Variants in GPSM2 observed in about 807,000 individuals in gnomAD.
The protein encoded by GPSM2 is G protein signaling modulator 2.
In GPSM2, 58 loss-of-function variants were observed where a neutral mutation model predicts 78.4. That is an observed-to-expected ratio of 0.74 (90% confidence interval 0.60 to 0.92). GPSM2 has a LOEUF of 0.92. Ranked by LOEUF, GPSM2 falls within the 40% of genes least tolerant of loss-of-function variation. The probability of loss-of-function intolerance (pLI) is 0.00; values close to 1 mark genes in which losing one functional copy is unlikely to be tolerated. For missense variants in GPSM2, 700 were observed against 815.5 expected, an observed-to-expected ratio of 0.86 and a Z score of 1.73; for synonymous variants, 224 against 280.2, an observed-to-expected ratio of 0.80 and a Z score of 2.00.
intron 14 of GPSM2, among the ~76,000 whole-genome samples, chr1:108,925,814 C>T (rs1346793519): frequency 6.6e-6 from 1 of 150,484 alleles, no homozygotes; most frequent in Non-Finnish European, 1.5e-5. Flanking sequence ...AAATACAAGG[C>T]AAATGTGGGG....
chr1:108,914,114 A>C (rs911320849), intron 10 of GPSM2, among the ~76,000 whole-genome samples: 5 of 152,242 alleles, frequency 3.3e-5, no homozygotes, highest in Non-Finnish European at 5.9e-5. Context: ...TTCCAACCAA[A>C]ATGTAACTTC....
At chr1:108,899,368 T>C (rs764575696) in intron 7 of GPSM2, among the ~76,000 whole-genome samples, 3 of 152,204 alleles carry the variant, frequency 2.0e-5, no homozygotes, top group Non-Finnish European at 2.9e-5. Context: ...ATATGCTTTA[T>C]TTCACTCAGT....
In GPSM2 at chr1:108,932,623, G is replaced by A. The variant is rs1447541777; in HGVS notation, c.*2683G>A. The stretch of plus-strand genomic sequence containing the variant: ...TCACAGTTACAGTCTATCACCTGGG[G>A]CATTCACTACTTTTCAGAGTCAGAT... On this transcript the variant is annotated 3_prime_UTR_variant, in exon 15 of 15. Coordinates refer to ENST00000264126, the MANE Select transcript of GPSM2 (RefSeq NM_013296.5). The A allele has an allele frequency of 1.3e-5, 2 of 152,216 alleles. No homozygotes were observed. Among genetic ancestry groups the A allele is most frequent in the Non-Finnish European group, 2.9e-5 (2 of 68,044 alleles). 9.4% of individuals were successfully genotyped at this position (152,216 alleles called of 1,614,324 possible).
At chr1:108,894,593 G>C (rs1557860068) in intron 2 of GPSM2, among the ~76,000 whole-genome samples, 2 of 152,112 alleles carry the variant, frequency 1.3e-5, no homozygotes, top group Non-Finnish European at 2.9e-5. Flanking sequence ...AGCTGCTCAG[G>C]AGACTGAGGC....
chr1:108,908,474 G>C (rs1055782600), intron 10 of GPSM2, among the ~76,000 whole-genome samples: 5 of 151,814 alleles, frequency 3.3e-5, no homozygotes, highest in Admixed American at 6.6e-5. Context: ...ACGAGGTCAG[G>C]AGATCGAGAC....
At chr1:108,901,366 AT>A (rs1177004787) in intron 7 of GPSM2, among the ~76,000 whole-genome samples, 14 of 152,210 alleles carry the variant, frequency 9.2e-5, no homozygotes, top group African/African-American at 3.4e-4. Flanking sequence ...ACACATAAGA[AT>A]TTTACCTAAA....
intron 11 of GPSM2, 104 bp from the exon 12 acceptor site, chr1:108,918,509 A>G (rs3754456): frequency 0.049 from 40,539 of 827,568 alleles, 1,271 homozygotes; most frequent in South Asian, 0.091. Flanking sequence ...TCTCTCCCCC[A>G]ATAGTAAATA....
At position 108,929,904 on chromosome 1, in the gene GPSM2, G is replaced by GT. The variant is rs1314362870; in HGVS notation, c.2022dup (p.Lys675Ter). 4 of 1,613,608 alleles carry GT rather than the reference G, an allele frequency of 2.5e-6. No homozygotes were observed. Among genetic ancestry groups the GT allele is most frequent in the Admixed American group, 1.7e-5 (1 of 59,988 alleles). On this transcript the variant is annotated frameshift_variant, in exon 15 of 15. Coordinates refer to ENST00000264126, the MANE Select transcript of GPSM2 (RefSeq NM_013296.5). LOFTEE classifies it high-confidence loss of function. ...TTTTGCAAAATAATGCTTTGTTGGAGTTTAAAAATTCAGGGAAAAAATCGG... is the reference window on the plus strand; with the variant it reads ...TTTTGCAAAATAATGCTTTGTTGGAGTTTTAAAAATTCAGGGAAAAAATCGG...
chr1:108,913,588 A>G (rs928591698), intron 10 of GPSM2, among the ~76,000 whole-genome samples: 3 of 152,270 alleles, frequency 2.0e-5, no homozygotes, highest in Non-Finnish European at 4.4e-5. Context: ...AAAGCAATAT[A>G]GCACATGCTG....
chr1:108,883,995 T>C (rs535518280), intron 1 of GPSM2, among the ~76,000 whole-genome samples: 2 of 152,128 alleles, frequency 1.3e-5, no homozygotes, highest in South Asian at 4.2e-4. Context: ...CACTGCAACC[T>C]CCGCCTCCCG....
chr1:108,912,596 T>C, intron 10 of GPSM2, among the ~76,000 whole-genome samples: 1 of 128,018 alleles, frequency 7.8e-6, no homozygotes, highest in East Asian at 2.2e-4. Context: ...AAAAAAAAAA[T>C]GGACATGGTG....
chr1:108,882,403 C>T (rs1425029817), intron 1 of GPSM2, among the ~76,000 whole-genome samples: 2 of 152,070 alleles, frequency 1.3e-5, no homozygotes, highest in Non-Finnish European at 2.9e-5. Context: ...AACTTTTAAT[C>T]CTCTCTAGAT....
At chr1:108,928,991 A>G (rs1314167446) in intron 14 of GPSM2, among the ~76,000 whole-genome samples, 1 of 145,452 alleles carries the variant, frequency 6.9e-6, no homozygotes, top group East Asian at 2.1e-4. Context: ...TCCGTCTCAA[A>G]AAAAAAAAAA....
chr1:108,922,466 G>A lies in GPSM2; in HGVS notation c.1490G>A (p.Ser497Asn). 2 of 1,612,496 alleles carry A rather than the reference G, an allele frequency of 1.2e-6. No individual in the cohort carries two copies. The highest frequency in any genetic ancestry group is 2.2e-5 in the South Asian group (2 of 91,030). Residue 497 changes from serine to asparagine, a missense_variant, in exon 13 of 15, where the codon AGC (serine) becomes AAC (asparagine). Physicochemically the swap from Ser to Asn is conservative, Grantham distance 46. Transcript: ENST00000264126. Reference protein sequence around the residue: ...IGDEGFFDLLSRFQSNRMDDQ... With the variant: ...IGDEGFFDLLNRFQSNRMDDQ... ...GATGAAGGGTTCTTTGACTTATTAA[G>A]CCGATTTCAAAGCAATAGGATGGAT...
At chr1:108,902,003 C>A in intron 8 of GPSM2, 58 bp downstream of exon 8, 1 of 1,219,846 alleles carries the variant, frequency 8.2e-7, no homozygotes, top group Non-Finnish European at 1.2e-6. Context: ...TTATTGAATC[C>A]CTAGAATTTT....
Position 108,931,643 on chromosome 1 carries a change from A to G in GPSM2, c.*1703A>G. On this transcript the variant is annotated 3_prime_UTR_variant, in exon 15 of 15. Coordinates refer to ENST00000264126, the MANE Select transcript of GPSM2 (RefSeq NM_013296.5). ...AGTGCTCAGCTAAAAAAAAAAAAAA[A>G]GTTCTAAATTACAACCTGGATTACA... The G allele has an allele frequency of 3.1e-6, 3 of 978,910 alleles. No homozygotes were observed. Among genetic ancestry groups the G allele is most frequent in the South Asian group, 2.0e-5 (1 of 51,102 alleles). The allele number at this position is 978,910 out of a possible 1,614,324, so 60.6% of individuals were successfully genotyped here. A position where few individuals can be genotyped will look rare whatever the true frequency, so the allele number is the denominator to read the frequency against.
chr1:108,908,543 C>T (rs953103623), intron 10 of GPSM2, among the ~76,000 whole-genome samples: 1 of 151,228 alleles, frequency 6.6e-6, no homozygotes, highest in Non-Finnish European at 1.5e-5. Flanking sequence ...GGCGTGGTGG[C>T]GGGCACCTGT....
intron 13 of GPSM2, among the ~76,000 whole-genome samples, chr1:108,922,936 A>G (rs1451445747): frequency 1.3e-5 from 2 of 152,132 alleles, no homozygotes; most frequent in African/African-American, 2.4e-5. Context: ...TTGAGACTAT[A>G]GTGTGCAATG....
At chr1:108,916,736 A>T (rs1030316728) in intron 11 of GPSM2, among the ~76,000 whole-genome samples, 1 of 152,224 alleles carries the variant, frequency 6.6e-6, no homozygotes, top group Non-Finnish European at 1.5e-5. Flanking sequence ...TCTATCCTTA[A>T]TGTAAAATAT....
Sources: allele counts gnomAD v4.1 joint callset (sites outside exome capture counted in the v4.1 genomes callset), GRCh38; gene constraint gnomAD v4.1.1; transcripts MANE v1.5; gene names NCBI Gene and HGNC (gene_info 2026-07-23, HGNC 2026-07-21).